ABHD12B: variants seen among roughly 807,000 people sequenced by gnomAD.
ABHD12B encodes abhydrolase domain containing 12B.
Under a neutral mutation model 50.4 loss-of-function variants are expected in ABHD12B, and 42 were observed. The ratio of observed to expected loss-of-function variants is 0.83; its 90% CI spans 0.65 to 1.08. ABHD12B has a LOEUF of 1.08. Among genes scored for constraint, ABHD12B ranks in the 50% least tolerant of loss-of-function variants. The probability of loss-of-function intolerance (pLI) is 0.00; values close to 1 mark genes in which losing one functional copy is unlikely to be tolerated. For missense variants in ABHD12B, 479 were observed against 447.7 expected, an observed-to-expected ratio of 1.07 and a Z score of -0.63; for synonymous variants, 167 against 160.3, an observed-to-expected ratio of 1.04 and a Z score of -0.32.
At position 50,878,825 on chromosome 14, in the gene ABHD12B, C is replaced by G; in HGVS notation, c.313C>G (p.Pro105Ala). Residue 105 changes from proline to alanine, a missense_variant, in exon 3 of 13, where the codon CCT becomes GCT. Transcript: ENST00000337334. ...HTVNFYLRVEPGVMLGIWHTV... is the reference protein window; with the variant it reads ...HTVNFYLRVEAGVMLGIWHTV... The stretch of plus-strand genomic sequence containing the variant: ...AGTGAACTTCTACCTGAGAGTTGAA[C>G]CTGGGGTGATGCTAGGGATCTGGTG... The G allele has an allele frequency of 1.2e-6, 2 of 1,613,884 alleles. No homozygotes were observed. Among genetic ancestry groups the G allele is most frequent in the Non-Finnish European group, 1.7e-6 (2 of 1,179,826 alleles).
chr14:50,888,725 C>A lies in ABHD12B; in HGVS notation c.701-99C>A, dbSNP rs749837687. The A allele has an allele frequency of 7.3e-5, 72 of 986,154 alleles. 1 individual carries two copies. The South Asian group carries it at 7.4e-4, about 10-fold the overall frequency. The allele number at this position is 986,154 out of a possible 1,614,324, so 61.1% of individuals were successfully genotyped here. A position where few individuals can be genotyped will look rare whatever the true frequency, so the allele number is the denominator to read the frequency against. On this transcript the variant is annotated intron_variant, in intron 8 of 12. Coordinates refer to ENST00000337334, the MANE Select transcript of ABHD12B (RefSeq NM_001206673.2). Reference sequence around the variant, plus strand: ...AACCTTCACAAATAATTTTGATGCACGTAGCTCATGTACAAGATCTTGAAT... The same window carrying A: ...AACCTTCACAAATAATTTTGATGCAAGTAGCTCATGTACAAGATCTTGAAT...
At chr14:50,892,460 C>A in intron 9 of ABHD12B, 1 of 985,386 alleles carries the variant, frequency 1.0e-6, no homozygotes, top group Non-Finnish European at 1.2e-6. Context: ...TTCTGCCCTC[C>A]GCTAAGGTAG....
At chr14:50,891,757 T>C (rs2050122954) in intron 9 of ABHD12B, 5 of 152,172 alleles carry the variant, frequency 3.3e-5, no homozygotes, top group Admixed American at 3.3e-4. Flanking sequence ...CACATGAGTG[T>C]CTAATTGGTC....
intron 9 of ABHD12B, among the ~76,000 whole-genome samples, chr14:50,889,680 A>C (rs2050091400): frequency 6.6e-6 from 1 of 152,226 alleles, no homozygotes; most frequent in African/African-American, 2.4e-5. Context: ...TCCTAACTTT[A>C]TAATCTTATT....
intron 4 of ABHD12B, among the ~76,000 whole-genome samples, chr14:50,880,950 A>G (rs1241835081): frequency 6.6e-6 from 1 of 152,230 alleles, no homozygotes; most frequent in Non-Finnish European, 1.5e-5. Context: ...GAGATTTTTC[A>G]GAACACTACA....
chr14:50,890,390 A>G (rs1007193763), intron 9 of ABHD12B, among the ~76,000 whole-genome samples: 3 of 152,174 alleles, frequency 2.0e-5, no homozygotes, highest in Non-Finnish European at 4.4e-5. Flanking sequence ...TCTTCTGTAT[A>G]TTACTTCCCA....
chr14:50,872,170 G>C lies in ABHD12B; in HGVS notation c.-5G>C. The stretch of plus-strand genomic sequence containing the variant: ...CGGTGGCGGCGTATCGGGACACGGC[G>C]CGGGATGGACGCGCAGGACTGCCAG... On this transcript the variant is annotated 5_prime_UTR_variant, in exon 1 of 13. Transcript: ENST00000337334. 3.8e-6 allele frequency: 5 copies of C among 1,329,626 alleles called. No individual in the cohort carries two copies. The highest frequency in any genetic ancestry group is 4.8e-6 in the Non-Finnish European group (5 of 1,038,626). 82.4% of individuals were successfully genotyped at this position (1,329,626 alleles called of 1,614,324 possible).
rs1254666556 is a variant in ABHD12B at position 50,885,844 on chromosome 14, C to T, written c.611C>T (p.Ala204Val). ...DAICVYEWTK[A>V]RSGITPVCLW... ...ATTTGTGTCTATGAGTGGACCAAGG[C>T]AAGAAGTGGCATCACTCCCGTGTGT... Residue 204 changes from alanine (A) to valine (V), a missense_variant, in exon 7 of 13, where the codon GCA (alanine) becomes GTA (valine). Coordinates refer to ENST00000337334, the MANE Select transcript of ABHD12B (RefSeq NM_001206673.2). 6.2e-7 allele frequency: 1 copy of T among 1,614,028 alleles called. No individual in the cohort carries two copies. The highest frequency in any genetic ancestry group is 8.5e-7 in the Non-Finnish European group (1 of 1,180,042).
intron 11 of ABHD12B, 103 bp downstream of exon 11, chr14:50,903,570 T>G (rs1029444616): frequency 9.1e-6 from 8 of 882,862 alleles, no homozygotes; most frequent in Middle Eastern, 4.9e-4. Flanking sequence ...GTCTCTGACA[T>G]TATAGGAGAT....
chr14:50,875,002 C>T lies in ABHD12B; in HGVS notation c.104+2724C>T, dbSNP rs61985543. Among the ~76,000 whole-genome samples, 727 of 152,344 alleles carry T rather than the reference C, an allele frequency of 4.8e-3. 18 individuals are homozygous for T. The South Asian group carries it at 0.078, about 16-fold the overall frequency. On this transcript the variant is annotated intron_variant, in intron 1 of 12. Coordinates refer to ENST00000337334, the MANE Select transcript of ABHD12B (RefSeq NM_001206673.2). ...ACTCTCTTTCTATTTTCAACCTATG[C>T]GTCAATATTTACTGAGCTCAGCCCT...
At chr14:50,875,098 A>C (rs954873521) in intron 1 of ABHD12B, among the ~76,000 whole-genome samples, 1 of 152,224 alleles carries the variant, frequency 6.6e-6, no homozygotes, top group African/African-American at 2.4e-5. Flanking sequence ...GGCCTGATAG[A>C]GTGGAGAAGA....
chr14:50,893,443 T>C (rs964593581), intron 9 of ABHD12B: 1 of 152,152 alleles, frequency 6.6e-6, no homozygotes, highest in Non-Finnish European at 1.5e-5. Context: ...ACAACCCCCT[T>C]TGACTGTAAT....
At chr14:50,892,503 C>T in intron 9 of ABHD12B, 1 of 985,416 alleles carries the variant, frequency 1.0e-6, no homozygotes, top group Non-Finnish European at 1.2e-6. Context: ...ATGGCGTAAC[C>T]TCTTAGGAGT....
At chr14:50,874,386 G>A (rs1205234033) in intron 1 of ABHD12B, among the ~76,000 whole-genome samples, 3 of 152,240 alleles carry the variant, frequency 2.0e-5, no homozygotes, top group East Asian at 1.9e-4. Flanking sequence ...AGATCATGAG[G>A]TCAGGAGATG....
intron 1 of ABHD12B, among the ~76,000 whole-genome samples, chr14:50,874,106 C>A (rs1335271171): frequency 1.3e-5 from 2 of 152,188 alleles, no homozygotes; most frequent in Non-Finnish European, 2.9e-5. Flanking sequence ...ATGCCCCTGG[C>A]CCTGATCATG....
At chr14:50,880,305 T>C (rs12889998) in intron 3 of ABHD12B, 147 bp from the exon 4 acceptor site, 758,054 of 833,906 alleles carry the variant, frequency 0.91, 347,122 homozygotes, top group South Asian at 0.96. Context: ...CTTTTTGTGG[T>C]GTTAGATTTT....
chr14:50,897,848 A>G (rs980582010), intron 9 of ABHD12B, among the ~76,000 whole-genome samples: 1 of 152,258 alleles, frequency 6.6e-6, no homozygotes, highest in Non-Finnish European at 1.5e-5. Context: ...GCTAGTAAGC[A>G]CTAGACAAAT....
At chr14:50,902,493 C>CA (rs2050272599) in intron 10 of ABHD12B, among the ~76,000 whole-genome samples, 2 of 152,226 alleles carry the variant, frequency 1.3e-5, no homozygotes, top group South Asian at 4.1e-4. Flanking sequence ...AACAAACAAA[C>CA]AAACAAAAAA....
Position 50,904,556 on chromosome 14 carries a change from A to T in ABHD12B, c.*190A>T. On this transcript the variant is annotated 3_prime_UTR_variant, in exon 13 of 13. Transcript: ENST00000337334. ...AGTATGGAATGTTCTTATTTAGCTT[A>T]TCATAATCTACTTTGTAAAACATGC... 1.4e-6 allele frequency: 1 copy of T among 698,374 alleles called. No homozygotes were observed. Among genetic ancestry groups the T allele is most frequent in the Non-Finnish European group, 2.4e-6 (1 of 419,328 alleles). The allele number at this position is 698,374 out of a possible 1,614,324, so 43.3% of individuals were successfully genotyped here.
Sources: gnomAD v4.1 joint callset for allele counts (sites outside exome capture counted in the v4.1 genomes callset) on GRCh38, gnomAD v4.1.1 for gene constraint, MANE v1.5 for transcripts, NCBI Gene and HGNC (gene_info 2026-07-23, HGNC 2026-07-21) for gene names.